DCAF7: variants seen among roughly 807,000 people sequenced by gnomAD.
DCAF7 encodes the protein DDB1 and CUL4 associated factor 7.
Under a neutral mutation model 41.2 loss-of-function variants are expected in DCAF7, and 4 were observed. The observed-to-expected ratio is 0.10, with a 90% CI of 0.05 to 0.22. The LOEUF is 0.22. Among genes scored for constraint, DCAF7 ranks in the 10% least tolerant of loss-of-function variants. The probability of loss-of-function intolerance (pLI) is 1.00; values close to 1 mark genes in which losing one functional copy is unlikely to be tolerated. For missense variants in DCAF7, 131 were observed against 443.2 expected, an observed-to-expected ratio of 0.30 and a Z score of 6.32; for synonymous variants, 143 against 164.2, an observed-to-expected ratio of 0.87 and a Z score of 0.99.
rs2033730547 is a variant in DCAF7 at position 63,591,249 on chromosome 17, T to A, written c.*2077T>A. 2 of 152,256 alleles carry A rather than the reference T, an allele frequency of 1.3e-5. No homozygotes were observed. 9.4% of individuals were successfully genotyped at this position (152,256 alleles called of 1,614,324 possible). The stretch of plus-strand genomic sequence containing the variant: ...TCAGTGGTAGAAGGGGCTGGTCTGC[T>A]GGGCAGGGCTTACATCCACTGAGTT... On this transcript the variant is annotated 3_prime_UTR_variant, in exon 7 of 7. Transcript: ENST00000614556.
chr17:63,567,114 C>CT (rs2033451676), intron 1 of DCAF7, among the ~76,000 whole-genome samples: 2 of 151,888 alleles, frequency 1.3e-5, no homozygotes, highest in South Asian at 4.2e-4. Flanking sequence ...CCTATTTATG[C>CT]TTTTTTAAAA....
intron 1 of DCAF7, among the ~76,000 whole-genome samples, chr17:63,569,630 ATATT>A (rs1453611989): frequency 2.0e-5 from 3 of 152,172 alleles, no homozygotes; most frequent in Non-Finnish European, 4.4e-5. Context: ...TCTTGGTCAG[ATATT>A]TAGGAGCCAA....
chr17:63,555,440 G>GT (rs1226387119), intron 1 of DCAF7, among the ~76,000 whole-genome samples: 4 of 152,100 alleles, frequency 2.6e-5, no homozygotes, highest in African/African-American at 4.8e-5. Flanking sequence ...TTCCTCTGAG[G>GT]TTTTTAATAC....
At position 63,592,570 on chromosome 17, in the gene DCAF7, A is replaced by G. The variant is rs1416931765; in HGVS notation, c.*3398A>G. The G allele has an allele frequency of 1.3e-5, 2 of 152,200 alleles. No individual in the cohort carries two copies. The highest frequency in any genetic ancestry group is 2.9e-5 in the Non-Finnish European group (2 of 68,064). The allele number at this position is 152,200 out of a possible 1,614,324, so 9.4% of individuals were successfully genotyped here. On this transcript the variant is annotated 3_prime_UTR_variant, in exon 7 of 7. Coordinates refer to ENST00000614556, the MANE Select transcript of DCAF7 (RefSeq NM_005828.5). ...AGGAGGAGATGTAGGATGCAGGAGA[A>G]AATTAAAGTGTTTTCTTTATATCAG... is the stretch of plus-strand genomic sequence containing the variant.
chr17:63,585,463 T>A lies in DCAF7; in HGVS notation c.856+135T>A, dbSNP rs2033666862. The A allele has an allele frequency of 4.0e-6, 3 of 753,050 alleles. No homozygotes were observed. In the Admixed American group the frequency reaches 8.2e-5, roughly 21 times the overall value. 46.6% of individuals were successfully genotyped at this position (753,050 alleles called of 1,614,324 possible). A position where few individuals can be genotyped will look rare whatever the true frequency, so the allele number is the denominator to read the frequency against. The stretch of plus-strand genomic sequence containing the variant: ...ATACAAAATGACTAGTTGGAGCCTC[T>A]CCACACTTGTGAAATTCAATCAGTA... On this transcript the variant is annotated intron_variant, in intron 6 of 6. Transcript: ENST00000614556.
At chr17:63,562,162 A>G (rs890230669) in intron 1 of DCAF7, among the ~76,000 whole-genome samples, 8 of 152,246 alleles carry the variant, frequency 5.3e-5, no homozygotes, top group African/African-American at 1.9e-4. Flanking sequence ...ACTTTAGTAT[A>G]TATAAATGTG....
Position 63,592,235 on chromosome 17 carries a change from TACTAAAAATACA to T in DCAF7, c.*3065_*3076del, listed in dbSNP as rs987371882. On this transcript the variant is annotated 3_prime_UTR_variant, in exon 7 of 7. Transcript: ENST00000614556. ...GGCTAACATGGTGAAACCCCATCTC[TACTAAAAATACA>T]AAAAAAAATTAGCCGGGGGTGGTGG... is the stretch of plus-strand genomic sequence containing the variant. The T allele has an allele frequency of 6.6e-6, 1 of 152,044 alleles. No individual in the cohort carries two copies. The highest frequency in any genetic ancestry group is 1.5e-5 in the Non-Finnish European group (1 of 68,076). The allele number at this position is 152,044 out of a possible 1,614,324, so 9.4% of individuals were successfully genotyped here.
At chr17:63,555,064 G>A (rs1374632924) in intron 1 of DCAF7, among the ~76,000 whole-genome samples, 1 of 152,214 alleles carries the variant, frequency 6.6e-6, no homozygotes, top group Non-Finnish European at 1.5e-5. Flanking sequence ...ACGTAAGTCA[G>A]ATATAAGAAT....
intron 5 of DCAF7, 43 bp from the exon 6 acceptor site, chr17:63,585,168 G>T: frequency 1.3e-6 from 2 of 1,531,884 alleles, no homozygotes; most frequent in African/African-American, 1.4e-5. Flanking sequence ...TTTTTTCTAT[G>T]AAACTCTGAT....
rs1337068522 is a variant in DCAF7, at chr17:63,589,841, G to C, written c.*669G>C. On this transcript the variant is annotated 3_prime_UTR_variant, in exon 7 of 7. Coordinates refer to ENST00000614556, the MANE Select transcript of DCAF7 (RefSeq NM_005828.5). ...CTGCCTGTGTAGTACATACCTGACCGGGAGTCCAAACCACCTTGGTGCTCT... is the reference window on the plus strand; with the variant it reads ...CTGCCTGTGTAGTACATACCTGACCCGGAGTCCAAACCACCTTGGTGCTCT... 2 of 154,046 alleles carry C rather than the reference G, an allele frequency of 1.3e-5. No homozygotes were observed. Among genetic ancestry groups the C allele is most frequent in the African/African-American group, 4.8e-5 (2 of 41,428 alleles). The allele number at this position is 154,046 out of a possible 1,614,324, so 9.5% of individuals were successfully genotyped here.
chr17:63,578,555 T>C lies in DCAF7; in HGVS notation c.224T>C (p.Met75Thr), dbSNP rs2033587087. The change falls in exon 2 of 7, where the codon ATG becomes ACG. Residue 75 changes from methionine (M) to threonine (T), a missense_variant. Coordinates refer to ENST00000614556, the MANE Select transcript of DCAF7 (RefSeq NM_005828.5). The stretch of plus-strand genomic sequence containing the variant: ...CACCCATACCCCACCACAAAGCTCA[T>C]GTGGATCCCTGACACAAAAGGCGTC... Reference protein sequence around the residue: ...FDHPYPTTKLMWIPDTKGVYP... With the variant: ...FDHPYPTTKLTWIPDTKGVYP... 2 of 1,613,892 alleles carry C rather than the reference T, an allele frequency of 1.2e-6. No individual in the cohort carries two copies. The highest frequency in any genetic ancestry group is 1.7e-6 in the Non-Finnish European group (2 of 1,179,884).
intron 4 of DCAF7, among the ~76,000 whole-genome samples, chr17:63,582,182 C>G (rs1269485046): frequency 6.6e-6 from 1 of 152,148 alleles, no homozygotes; most frequent in East Asian, 1.9e-4. Context: ...GGCCCGGTCC[C>G]TTTTGAACCA....
intron 4 of DCAF7, among the ~76,000 whole-genome samples, chr17:63,581,686 G>C (rs2033624427): frequency 6.6e-6 from 1 of 152,250 alleles, no homozygotes; most frequent in Non-Finnish European, 1.5e-5. Flanking sequence ...AGAGCAGGGA[G>C]AAAGGCCAGG....
chr17:63,569,556 A>C (rs1225439643), intron 1 of DCAF7, among the ~76,000 whole-genome samples: 1 of 152,178 alleles, frequency 6.6e-6, no homozygotes, highest in African/African-American at 2.4e-5. Context: ...ATGGCTTCAT[A>C]TATACCACTT....
chr17:63,566,052 G>A (rs1329228416), intron 1 of DCAF7, among the ~76,000 whole-genome samples: 1 of 152,146 alleles, frequency 6.6e-6, no homozygotes, highest in Non-Finnish European at 1.5e-5. Context: ...AATGAGCCAA[G>A]ATTACACCAC....
intron 1 of DCAF7, chr17:63,552,196 T>C (rs1407497127): frequency 6.6e-6 from 1 of 152,184 alleles, no homozygotes; most frequent in Non-Finnish European, 1.5e-5. Context: ...TGTTTTATTA[T>C]CTGTGACCCA....
chr17:63,552,138 A>T (rs2033264064), intron 1 of DCAF7, among the ~76,000 whole-genome samples: 1 of 152,118 alleles, frequency 6.6e-6, no homozygotes, highest in South Asian at 2.1e-4. Flanking sequence ...GGAAGAAACC[A>T]GGTGGTCCTG....
chr17:63,552,396 A>G (rs2033267110), intron 1 of DCAF7: 6 of 152,240 alleles, frequency 3.9e-5, no homozygotes, highest in Admixed American at 2.6e-4. Context: ...ACATACATGA[A>G]CAATTTACAA....
intron 2 of DCAF7, 122 bp downstream of exon 2, chr17:63,578,750 G>T: frequency 7.4e-7 from 1 of 1,356,770 alleles, no homozygotes; most frequent in Non-Finnish European, 1.0e-6. Flanking sequence ...CACAGGAGAA[G>T]CAAGCGAAGC....
Sources: allele counts gnomAD v4.1 joint callset (sites outside exome capture counted in the v4.1 genomes callset), GRCh38; gene constraint gnomAD v4.1.1; transcripts MANE v1.5; gene names NCBI Gene and HGNC (gene_info 2026-07-23, HGNC 2026-07-21).